Variants in SORCS3 observed in about 807,000 individuals in gnomAD.
SORCS3 encodes VPS10 domain-containing receptor SorCS3.
Under a neutral mutation model 146.3 loss-of-function variants are expected in SORCS3, and 57 were observed. The ratio of observed to expected loss-of-function variants is 0.39; its 90% CI spans 0.31 to 0.49. The LOEUF is 0.49. Ranked by LOEUF, SORCS3 falls within the 20% of genes least tolerant of loss-of-function variation. SORCS3 has a pLI of 0.92. For missense variants in SORCS3, 1,341 were observed against 1,575.5 expected, an observed-to-expected ratio of 0.85 and a Z score of 2.52; for synonymous variants, 653 against 618.5, an observed-to-expected ratio of 1.06 and a Z score of -0.83.
chr10:104,794,599 G>A (rs1403351394), intron 1 of SORCS3, among the ~76,000 whole-genome samples: 2 of 142,692 alleles, frequency 1.4e-5, no homozygotes, highest in East Asian at 4.0e-4. Context: ...GTGTGTGTGT[G>A]TGTGTGAGAG....
chr10:105,203,815 T>C lies in SORCS3; in HGVS notation c.2261+2562T>C, dbSNP rs1589686903. On this transcript the variant is annotated intron_variant, in intron 16 of 26. Transcript: ENST00000369701. ...ATAGATAAGGCATTTATCCTACTGA[T>C]GTATAACATAGAAATACAACATAGG... Among the ~76,000 whole-genome samples, 8 of 152,346 alleles carry C rather than the reference T, an allele frequency of 5.3e-5. 2 individuals are homozygous for C. The highest frequency in any genetic ancestry group is 5.2e-4 in the Admixed American group (8 of 15,304).
chr10:104,952,071 C>T (rs866542503), intron 3 of SORCS3, among the ~76,000 whole-genome samples: 3 of 150,674 alleles, frequency 2.0e-5, no homozygotes, highest in African/African-American at 4.9e-5. Context: ...ATCTAGTGTC[C>T]GTCTCCTACA....
intron 4 of SORCS3, 93 bp from the exon 5 acceptor site, chr10:105,042,962 C>G: frequency 9.8e-7 from 1 of 1,019,126 alleles, no homozygotes; most frequent in Non-Finnish European, 1.5e-6. Context: ...GTGTGTTGGG[C>G]ACTCTGGTGT....
chr10:104,933,028 C>A (rs768379926), intron 3 of SORCS3, among the ~76,000 whole-genome samples: 1 of 152,090 alleles, frequency 6.6e-6, no homozygotes, highest in African/African-American at 2.4e-5. Flanking sequence ...ACTGTGCTGG[C>A]CCCCTTGGAC....
rs543336468 is a variant in SORCS3, at chr10:104,916,466, AG to A, written c.795+537del. Among the ~76,000 whole-genome samples, 56 of 152,286 alleles carry A rather than the reference AG, an allele frequency of 3.7e-4. No homozygotes were observed. In the East Asian group the frequency reaches 0.01, roughly 28 times the overall value. ...TGATCCTGAGCTGCTTCTGAGGCAG[AG>A]GGCAGACCAGACTCCTCTGGCACCT... On this transcript the variant is annotated intron_variant, in intron 3 of 26. Coordinates refer to ENST00000369701, the MANE Select transcript of SORCS3 (RefSeq NM_014978.3).
chr10:104,659,899 A>C (rs2015679074), intron 1 of SORCS3, among the ~76,000 whole-genome samples: 1 of 152,046 alleles, frequency 6.6e-6, no homozygotes, highest in South Asian at 2.1e-4. Flanking sequence ...AGAGGAGAGG[A>C]AACTGCACCC....
In SORCS3 at chr10:105,264,834, A is replaced by T. The variant is rs2056982340; in HGVS notation, c.*1460A>T. The T allele has an allele frequency of 6.6e-6, 1 of 152,518 alleles. No homozygotes were observed. The highest frequency in any genetic ancestry group is 1.5e-5 in the Non-Finnish European group (1 of 67,994). The allele number at this position is 152,518 out of a possible 1,614,324, so 9.4% of individuals were successfully genotyped here. A position where few individuals can be genotyped will look rare whatever the true frequency, so the allele number is the denominator to read the frequency against. On this transcript the variant is annotated 3_prime_UTR_variant, in exon 27 of 27. Coordinates refer to ENST00000369701, the MANE Select transcript of SORCS3 (RefSeq NM_014978.3). ...AAGCCATGCTGTAAGCATTGTTTTTATTTTCAGGCTTAGCCTGAGCACACT... is the reference window on the plus strand; with the variant it reads ...AAGCCATGCTGTAAGCATTGTTTTTTTTTTCAGGCTTAGCCTGAGCACACT...
intron 3 of SORCS3, among the ~76,000 whole-genome samples, chr10:104,972,205 A>G (rs2054864514): frequency 1.3e-5 from 2 of 152,160 alleles, no homozygotes; most frequent in Non-Finnish European, 2.9e-5. Flanking sequence ...AACATACATT[A>G]TGCCCTGTGC....
chr10:105,182,290 A>G (rs2056448016), intron 14 of SORCS3, among the ~76,000 whole-genome samples: 1 of 95,118 alleles, frequency 1.1e-5, no homozygotes, highest in Non-Finnish European at 2.0e-5. Flanking sequence ...TTCAAACTTG[A>G]TTTTATGGAA....
intron 5 of SORCS3, among the ~76,000 whole-genome samples, chr10:105,051,195 T>A (rs896873017): frequency 6.6e-6 from 1 of 152,176 alleles, no homozygotes; most frequent in African/African-American, 2.4e-5. Context: ...ATGTACATGC[T>A]CATTTAGAGA....
At chr10:104,766,131 A>C (rs896451874) in intron 1 of SORCS3, among the ~76,000 whole-genome samples, 4 of 152,236 alleles carry the variant, frequency 2.6e-5, no homozygotes, top group African/African-American at 9.6e-5. Flanking sequence ...TGACCCAGGA[A>C]AAATGTCAGC....
At chr10:104,940,236 ATATTTTTTTT>A (rs1216547750) in intron 3 of SORCS3, among the ~76,000 whole-genome samples, 32 of 23,600 alleles carry the variant, frequency 1.4e-3, no homozygotes, top group African/African-American at 2.1e-3. Flanking sequence ...ATATATATAT[ATATTTTTTTT>A]TTTTTTTTTA....
At chr10:105,053,330 A>C (rs556052314) in intron 5 of SORCS3, among the ~76,000 whole-genome samples, 232 of 152,184 alleles carry the variant, frequency 1.5e-3, no homozygotes, top group African/African-American at 5.3e-3. Context: ...AGACACTTCC[A>C]CCAAGAGGTG....
intron 4 of SORCS3, among the ~76,000 whole-genome samples, chr10:105,021,249 G>A (rs574284290): frequency 1.6e-4 from 25 of 152,278 alleles, no homozygotes; most frequent in East Asian, 1.2e-3. Context: ...TCTTCTTGTG[G>A]TGTCATCCCA....
Position 104,977,484 on chromosome 10 carries a change from G to A in SORCS3, c.945G>A (p.Leu315=), listed in dbSNP as rs768435706. 6.2e-7 allele frequency: 1 copy of A among 1,602,546 alleles called. No homozygotes were observed. Among genetic ancestry groups the A allele is most frequent in the South Asian group, 1.1e-5 (1 of 89,342 alleles). ...AGGACTGGGTGCTGGCCTACAGTTT[G>A]GATCAAAAGGTGAATAAATACTATT... ...KQEDWVLAYS[L]DQKLYSSMDF... The change falls in exon 4 of 27, where the codon TTG becomes TTA. Residue 315 remains leucine, a synonymous_variant. Transcript: ENST00000369701.
chr10:105,164,338 G>C lies in SORCS3; in HGVS notation c.1768G>C (p.Gly590Arg), dbSNP rs772294355. The change falls in exon 12 of 27, where the codon GGT (glycine) becomes CGT (arginine). Residue 590 changes from glycine (G) to arginine (R), a missense_variant. Gly to Arg is a moderately radical substitution (Grantham distance 125). Transcript: ENST00000369701. ...CCCGGAGCTCTCATATACTGATATT[G>C]GTGTGTTCATCTCCTCCGATGGGGG... The part of the protein sequence containing the change: ...IGPELSYTDI[G>R]VFISSDGGNT... The C allele has an allele frequency of 6.2e-7, 1 of 1,613,650 alleles. No individual in the cohort carries two copies. Among genetic ancestry groups the C allele is most frequent in the Non-Finnish European group, 8.5e-7 (1 of 1,179,688 alleles).
chr10:104,886,636 T>A (rs1351694447), intron 2 of SORCS3, among the ~76,000 whole-genome samples: 2 of 151,990 alleles, frequency 1.3e-5, no homozygotes, highest in African/African-American at 2.4e-5. Flanking sequence ...AGATGTAGAA[T>A]TAAAATATTT....
At chr10:104,656,860 T>C (rs899324799) in intron 1 of SORCS3, among the ~76,000 whole-genome samples, 1 of 151,856 alleles carries the variant, frequency 6.6e-6, no homozygotes, top group African/African-American at 2.4e-5. Flanking sequence ...GTAGTGGGGG[T>C]AGATAAGAAG....
intron 1 of SORCS3, among the ~76,000 whole-genome samples, chr10:104,779,363 G>C (rs2017347450): frequency 6.6e-6 from 1 of 152,166 alleles, no homozygotes; most frequent in Non-Finnish European, 1.5e-5. Flanking sequence ...TCTGTGCCAG[G>C]CATTGCAGAG....
Sources: gnomAD v4.1 joint callset for allele counts (sites outside exome capture counted in the v4.1 genomes callset) on GRCh38, gnomAD v4.1.1 for gene constraint, MANE v1.5 for transcripts, NCBI Gene and HGNC (gene_info 2026-07-23, HGNC 2026-07-21) for gene names.